The following ATP11C variants were observed in gnomAD, a reference collection of about 807,000 sequenced individuals.
The protein encoded by ATP11C is ATPase phospholipid transporting 11C (ATP11C blood group), also known as phospholipid-transporting ATPase IG.
ATP11C carries 36 observed loss-of-function variants against 97.4 expected under a neutral mutation model. That is an observed-to-expected ratio of 0.37 (90% CI 0.28 to 0.49). ATP11C has a LOEUF of 0.49. Ranked by LOEUF, ATP11C falls within the 20% of genes least tolerant of loss-of-function variation. The probability of loss-of-function intolerance (pLI) is 0.98; values close to 1 mark genes in which losing one functional copy is unlikely to be tolerated. For synonymous variants in ATP11C, 275 were observed against 290.9 expected (o/e 0.95, Z 0.56); for missense variants, 730 against 824.6 (o/e 0.89, Z 1.40).
chrX:139,899,879 C>A (rs2497280), intron 1 of ATP11C, among the ~76,000 whole-genome samples: 20,230 of 110,899 alleles, frequency 0.18, 3,128 homozygotes, highest in African/African-American at 0.5. Context: ...TTTCCTATGG[C>A]TCATCTAATA....
At chrX:139,869,309 T>C (rs2084333308) in intron 1 of ATP11C, among the ~76,000 whole-genome samples, 1 of 111,783 alleles carries the variant, frequency 8.9e-6, no homozygotes, top group African/African-American at 3.3e-5. Flanking sequence ...TATTACCTGA[T>C]TTGATGAACC....
intron 18 of ATP11C, among the ~76,000 whole-genome samples, chrX:139,778,053 C>T (rs2082383310): frequency 9.0e-6 from 1 of 110,566 alleles, no homozygotes; most frequent in Non-Finnish European, 1.9e-5. Context: ...GATGGAGTCT[C>T]GCTATGCTGC....
intron 1 of ATP11C, among the ~76,000 whole-genome samples, chrX:139,925,923 C>T (rs1042011268): frequency 3.6e-5 from 4 of 111,627 alleles, no homozygotes; most frequent in African/African-American, 1.3e-4. Context: ...AAGAAGTCAG[C>T]CGACCCAGTA....
chrX:139,824,026 C>T lies in ATP11C; in HGVS notation c.147+2678G>A, dbSNP rs1347582279. Among the ~76,000 whole-genome samples, 7 of 106,668 alleles carry T rather than the reference C, an allele frequency of 6.6e-5. No individual in the cohort carries two copies. The East Asian group carries it at 2.0e-3, about 31-fold the overall frequency. 92.6% of individuals were successfully genotyped at this position (106,668 alleles called of 115,157 possible). ...GTGCAGTGACTCACTTCTGTAATCCCGGCACTTTCGGAGGCTGAGGCAGGG... is the reference window on the plus strand; with the variant it reads ...GTGCAGTGACTCACTTCTGTAATCCTGGCACTTTCGGAGGCTGAGGCAGGG... On this transcript the variant is annotated intron_variant, in intron 2 of 29. Transcript: ENST00000682941.
intron 3 of ATP11C, among the ~76,000 whole-genome samples, chrX:139,818,673 G>C (rs1418556198): frequency 8.9e-6 from 1 of 111,805 alleles, no homozygotes; most frequent in Non-Finnish European, 1.9e-5. Flanking sequence ...AACATCAACA[G>C]GGCATTGGAG....
In ATP11C at chrX:139,798,683, T is replaced by G. The variant is rs1052960049; in HGVS notation, c.771A>C (p.Ile257=). 6.7e-6 allele frequency: 8 copies of G among 1,198,307 alleles called. No individual in the cohort carries two copies. Among genetic ancestry groups the G allele is most frequent in the Non-Finnish European group, 9.0e-6 (8 of 885,621 alleles). The change falls in exon 9 of 30, where the codon ATA becomes ATC. Residue 257 remains isoleucine, a synonymous_variant. Transcript: ENST00000682941. ...KGATLKNTEK[I]YGVAVYTGME... ...TGTATCTTAAAAATTGTTCACCATA[T>G]ATCTTCTCGGTATTTTTTAGCGTAG...
At chrX:139,901,309 C>G (rs901831789) in intron 1 of ATP11C, among the ~76,000 whole-genome samples, 1 of 111,894 alleles carries the variant, frequency 8.9e-6, no homozygotes, top group Admixed American at 9.5e-5. Flanking sequence ...GTAGATATCC[C>G]TGTGTGCTCC....
intron 1 of ATP11C, among the ~76,000 whole-genome samples, chrX:139,856,679 T>C (rs1421905013): frequency 8.9e-6 from 1 of 112,390 alleles, no homozygotes; most frequent in Non-Finnish European, 1.9e-5. Flanking sequence ...CAGATCAATT[T>C]AAAGCCCGAA....
At chrX:139,763,909 T>C (rs982710222) in intron 20 of ATP11C, among the ~76,000 whole-genome samples, 3 of 111,868 alleles carry the variant, frequency 2.7e-5, no homozygotes, top group African/African-American at 9.8e-5. Flanking sequence ...TCTATGCATA[T>C]ATGAACTATC....
At chrX:139,786,056 T>C (rs1484003406) in intron 15 of ATP11C, among the ~76,000 whole-genome samples, 3 of 111,150 alleles carry the variant, frequency 2.7e-5, no homozygotes, top group Non-Finnish European at 3.8e-5. Flanking sequence ...AACACATCTT[T>C]GTGAGCCATT....
chrX:139,810,236 G>C (rs5954634), intron 5 of ATP11C, among the ~76,000 whole-genome samples: 6,438 of 111,063 alleles, frequency 0.058, 438 homozygotes, highest in African/African-American at 0.2. Flanking sequence ...CGGGGTGGAT[G>C]GATCACCTGC....
intron 12 of ATP11C, among the ~76,000 whole-genome samples, chrX:139,792,856 A>G (rs904863588): frequency 8.9e-6 from 1 of 112,067 alleles, no homozygotes; most frequent in East Asian, 2.8e-4. Flanking sequence ...TATCCTTTAT[A>G]TGAAACTGGT....
chrX:139,798,982 A>AATAC (rs1217997316), intron 8 of ATP11C, among the ~76,000 whole-genome samples: 1 of 111,275 alleles, frequency 9.0e-6, no homozygotes, highest in East Asian at 2.8e-4. Flanking sequence ...AGGCAAAAAA[A>AATAC]ATACATGGGG....
intron 1 of ATP11C, among the ~76,000 whole-genome samples, chrX:139,911,037 A>T (rs1815351441): frequency 9.0e-6 from 1 of 111,534 alleles, no homozygotes; most frequent in Non-Finnish European, 1.9e-5. Flanking sequence ...GAAAAAAGAA[A>T]CAGGAGACTA....
At chrX:139,926,893 C>T (rs2085359291) in intron 1 of ATP11C, among the ~76,000 whole-genome samples, 2 of 112,219 alleles carry the variant, frequency 1.8e-5, no homozygotes, top group South Asian at 3.7e-4. Flanking sequence ...TCCCACCTTG[C>T]GTGGGGTCAG....
At chrX:139,822,602 C>T (rs1432309099) in intron 2 of ATP11C, among the ~76,000 whole-genome samples, 1 of 110,453 alleles carries the variant, frequency 9.1e-6, no homozygotes, top group Non-Finnish European at 1.9e-5. Flanking sequence ...TTAGTAGAGA[C>T]GGGGTTTCAC....
chrX:139,878,174 A>C (rs180778687), intron 1 of ATP11C, among the ~76,000 whole-genome samples: 134 of 112,391 alleles, frequency 1.2e-3, no homozygotes, highest in African/African-American at 3.9e-3. Context: ...ACTTTCTGAC[A>C]CGTAAAATGA....
intron 1 of ATP11C, among the ~76,000 whole-genome samples, chrX:139,843,316 G>C (rs778625286): frequency 8.9e-6 from 1 of 111,873 alleles, no homozygotes; most frequent in South Asian, 3.8e-4. Flanking sequence ...ATGGATGGAT[G>C]GAAGAATTAC....
chrX:139,828,054 G>A (rs1412578283), intron 1 of ATP11C, among the ~76,000 whole-genome samples: 1 of 111,727 alleles, frequency 9.0e-6, no homozygotes, highest in Non-Finnish European at 1.9e-5. Context: ...AAGTAACTGG[G>A]ACAAACTGAA....
Sources: allele counts gnomAD v4.1 joint callset (sites outside exome capture counted in the v4.1 genomes callset), GRCh38; gene constraint gnomAD v4.1.1; transcripts MANE v1.5; gene names NCBI Gene and HGNC (gene_info 2026-07-23, HGNC 2026-07-21).